The following NPLOC4 variants were observed in gnomAD, a reference collection of about 807,000 sequenced individuals.
The protein encoded by NPLOC4 is nuclear protein localization protein 4 homolog.
Under a neutral mutation model 80.6 loss-of-function variants are expected in NPLOC4, and 18 were observed. The ratio of observed to expected loss-of-function variants is 0.22; its 90% confidence interval spans 0.15 to 0.33. NPLOC4 has a LOEUF of 0.33. NPLOC4 is among the 10% of genes least tolerant of loss of function. The pLI, the probability that NPLOC4 is intolerant of heterozygous loss-of-function variation, is 1.00. For synonymous variants in NPLOC4, 313 were observed against 301.5 expected (o/e 1.04, Z -0.39); for missense variants, 540 against 786.1 (o/e 0.69, Z 3.74).
intron 1 of NPLOC4, among the ~76,000 whole-genome samples, chr17:81,635,617 G>C (rs1044010616): frequency 6.6e-5 from 10 of 152,178 alleles, no homozygotes; most frequent in African/African-American, 2.4e-4. Flanking sequence ...ATGTTGTCCA[G>C]GCTGGTCTTG....
chr17:81,581,357 A>C (rs2034434866), intron 12 of NPLOC4, among the ~76,000 whole-genome samples: 1 of 73,990 alleles, frequency 1.4e-5, no homozygotes. Flanking sequence ...GCAAAAAAAA[A>C]AAAAAAAAAA....
At chr17:81,559,727 C>CTTTTTT (rs11335414) in intron 16 of NPLOC4, among the ~76,000 whole-genome samples, 2 of 95,712 alleles carry the variant, frequency 2.1e-5, no homozygotes, top group Non-Finnish European at 2.0e-5. Flanking sequence ...TTGTTTCCAG[C>CTTTTTT]TTTTTTTTTT....
chr17:81,595,195 G>A (rs1166761982), intron 11 of NPLOC4, among the ~76,000 whole-genome samples: 1 of 151,838 alleles, frequency 6.6e-6, no homozygotes, highest in Non-Finnish European at 1.5e-5. Flanking sequence ...CCAGCACTTT[G>A]AGAGGCCAAT....
intron 12 of NPLOC4, among the ~76,000 whole-genome samples, chr17:81,582,269 T>C (rs1033929145): frequency 1.3e-5 from 2 of 152,304 alleles, no homozygotes; most frequent in East Asian, 1.9e-4. Flanking sequence ...AGGGCAAAGC[T>C]GAAGATGCCT....
chr17:81,634,624 C>T (rs1229953267), intron 1 of NPLOC4, among the ~76,000 whole-genome samples: 3 of 149,052 alleles, frequency 2.0e-5, no homozygotes, highest in African/African-American at 7.5e-5. Context: ...CTTGCTCTGT[C>T]GCCCAGGCTG....
chr17:81,632,291 G>A (rs998352869), intron 1 of NPLOC4, among the ~76,000 whole-genome samples: 3 of 150,302 alleles, frequency 2.0e-5, no homozygotes, highest in African/African-American at 7.3e-5. Context: ...ATTTTTTATA[G>A]TGAAACATTT....
chr17:81,590,192 A>G (rs1430057105), intron 11 of NPLOC4, among the ~76,000 whole-genome samples: 3 of 152,208 alleles, frequency 2.0e-5, no homozygotes, highest in Non-Finnish European at 4.4e-5. Flanking sequence ...GTGCCACTCC[A>G]CGGCCGTGGG....
At chr17:81,586,842 A>G (rs907101392) in intron 12 of NPLOC4, among the ~76,000 whole-genome samples, 2 of 152,244 alleles carry the variant, frequency 1.3e-5, no homozygotes, top group Non-Finnish European at 2.9e-5. Flanking sequence ...AGGATCAACA[A>G]TAGACGAAGT....
Position 81,574,857 on chromosome 17 carries a change from G to A in NPLOC4, c.1282-2769C>T, listed in dbSNP as rs143442100. On this transcript the variant is annotated intron_variant, in intron 12 of 16. Transcript: ENST00000331134. ...GGTGAAACTCCGTCTCTACAAGACT[G>A]TCTCCAAACAAACAAACAAACACAC... Among the ~76,000 whole-genome samples, 860 of 149,814 alleles carry A rather than the reference G, an allele frequency of 5.7e-3. 12 individuals are homozygous for A. The highest frequency in any genetic ancestry group is 0.02 in the African/African-American group (808 of 40,840).
chr17:81,587,898 A>C (rs2034631969), intron 12 of NPLOC4, among the ~76,000 whole-genome samples: 2 of 151,564 alleles, frequency 1.3e-5, no homozygotes, highest in South Asian at 4.2e-4. Context: ...GATGGTCTCA[A>C]TCTCCTGACC....
chr17:81,608,587 T>C (rs189746103), intron 6 of NPLOC4, 141 bp downstream of exon 6: 13 of 604,342 alleles, frequency 2.2e-5, no homozygotes, highest in African/African-American at 1.5e-4. Context: ...TAAATAAATA[T>C]AGAACCACGG....
intron 11 of NPLOC4, among the ~76,000 whole-genome samples, chr17:81,593,818 G>GC (rs1412755681): frequency 6.6e-6 from 1 of 151,936 alleles, no homozygotes; most frequent in Admixed American, 6.6e-5. Flanking sequence ...ACTGCCTGAT[G>GC]CCCCAGCTGC....
intron 11 of NPLOC4, among the ~76,000 whole-genome samples, chr17:81,590,318 G>A (rs1323748147): frequency 2.0e-5 from 3 of 152,198 alleles, no homozygotes; most frequent in Non-Finnish European, 1.5e-5. Context: ...GGGGACAGGA[G>A]AACTACAGAT....
Position 81,580,039 on chromosome 17 carries a change from C to T in NPLOC4, c.1282-7951G>A, listed in dbSNP as rs973926988. Among the ~76,000 whole-genome samples the T allele has an allele frequency of 4.6e-5, 7 of 152,150 alleles. No homozygotes were observed. Among genetic ancestry groups the T allele is most frequent in the Non-Finnish European group, 1.0e-4 (7 of 68,016 alleles). ...CACCAGGGAGCTCCTTTCTTGCCTG[C>T]CTTCCAGGGCGCTATGCTCCTGCCC... On this transcript the variant is annotated intron_variant, in intron 12 of 16. Transcript: ENST00000331134. The surrounding 1 kb of genome is among the most constrained non-coding windows in gnomAD (Gnocchi z 4.4).
At chr17:81,591,872 T>A (rs939729308) in intron 11 of NPLOC4, among the ~76,000 whole-genome samples, 79 of 152,156 alleles carry the variant, frequency 5.2e-4, no homozygotes, top group Non-Finnish European at 5.0e-4. Flanking sequence ...TTTAACCAGA[T>A]CCCCAGCAAG....
chr17:81,583,860 C>G (rs2034505592), intron 12 of NPLOC4, among the ~76,000 whole-genome samples: 1 of 152,154 alleles, frequency 6.6e-6, no homozygotes. Flanking sequence ...TGTGCAAATG[C>G]CTATACGTGT....
At chr17:81,563,887 TA>T (rs750009973) in intron 16 of NPLOC4, 9 of 453,506 alleles carry the variant, frequency 2.0e-5, no homozygotes, top group Non-Finnish European at 3.5e-5. Context: ...TGTTTTCATT[TA>T]TAAGTGGGAG....
chr17:81,621,043 A>G (rs1164449883), intron 3 of NPLOC4, among the ~76,000 whole-genome samples: 2 of 151,942 alleles, frequency 1.3e-5, no homozygotes, highest in Non-Finnish European at 2.9e-5. Context: ...AAGAAAGGAA[A>G]AGGAAAAGAA....
At chr17:81,631,436 A>ATTTTTT (rs70938164) in intron 1 of NPLOC4, among the ~76,000 whole-genome samples, 1 of 117,070 alleles carries the variant, frequency 8.5e-6, no homozygotes, top group Non-Finnish European at 1.8e-5. Flanking sequence ...ATATATATAT[A>ATTTTTT]TTTTTTTTTT....
Sources: gnomAD v4.1 joint callset for allele counts (sites outside exome capture counted in the v4.1 genomes callset) on GRCh38, gnomAD v4.1.1 for gene constraint, Gnocchi (gnomAD v3.1) non-coding constraint, MANE v1.5 for transcripts, NCBI Gene and HGNC (gene_info 2026-07-23, HGNC 2026-07-21) for gene names.